The following TENM4 variants were observed in gnomAD, a reference collection of about 807,000 sequenced individuals.
TENM4 encodes teneurin-4.
Under a neutral mutation model 243.3 loss-of-function variants are expected in TENM4, and 82 were observed. That is an observed-to-expected ratio of 0.34 (90% confidence interval 0.28 to 0.40). TENM4 has a LOEUF of 0.40. TENM4 is among the 10% of genes least tolerant of loss of function. The pLI is 1.00. For missense variants in TENM4, 3,138 were observed against 3,673.3 expected, an observed-to-expected ratio of 0.85 and a Z score of 3.77; for synonymous variants, 1,412 against 1,456.3, an observed-to-expected ratio of 0.97 and a Z score of 0.69.
chr11:78,726,331 G>A lies in TENM4; in HGVS notation c.3407-109C>T, dbSNP rs1036384065. ...TTATCTTTTGTAGAAGAGGAAAAAA[G>A]GGTCATATTTCTAAGTGGCAACCAG... On this transcript the variant is annotated intron_variant, in intron 22 of 33. Transcript: ENST00000278550. The A allele has an allele frequency of 1.7e-5, 23 of 1,344,890 alleles. No homozygotes were observed. The Middle Eastern group carries it at 7.8e-4, about 45-fold the overall frequency. The allele number at this position is 1,344,890 out of a possible 1,614,324, so 83.3% of individuals were successfully genotyped here.
chr11:79,266,452 C>T (rs949795949), intron 2 of TENM4, among the ~76,000 whole-genome samples: 1 of 152,178 alleles, frequency 6.6e-6, no homozygotes, highest in Non-Finnish European at 1.5e-5. Context: ...ATTCACTATG[C>T]TGATGTTGAA....
intron 2 of TENM4, among the ~76,000 whole-genome samples, chr11:79,277,507 T>C (rs1856079278): frequency 6.6e-6 from 1 of 152,116 alleles, no homozygotes; most frequent in Admixed American, 6.5e-5. Flanking sequence ...TGAACCCAGG[T>C]CTTTGTGACT....
chr11:79,280,083 C>A (rs1424248668), intron 2 of TENM4, among the ~76,000 whole-genome samples: 7 of 152,202 alleles, frequency 4.6e-5, no homozygotes, highest in Admixed American at 6.5e-5. Context: ...CACCAAAAAT[C>A]AAACCTGTTT....
chr11:79,036,679 G>C (rs993793222), intron 6 of TENM4, among the ~76,000 whole-genome samples: 1 of 152,188 alleles, frequency 6.6e-6, no homozygotes, highest in African/African-American at 2.4e-5. Flanking sequence ...TGATGTTGTA[G>C]GTGGAGCCTG....
At position 79,306,540 on chromosome 11, in the gene TENM4, C is replaced by T. The variant is rs76784878; in HGVS notation, c.-320-8997G>A. ...CAGGGCAAGATAGGTGGGCTGAGGTCGTGCTGGGAAGGGCCTGAGGTCACT... is the reference window on the plus strand; with the variant it reads ...CAGGGCAAGATAGGTGGGCTGAGGTTGTGCTGGGAAGGGCCTGAGGTCACT... On this transcript the variant is annotated intron_variant, in intron 1 of 33. Transcript: ENST00000278550. Among the ~76,000 whole-genome samples, 1,109 of 152,166 alleles carry T rather than the reference C, an allele frequency of 7.3e-3. 5 individuals are homozygous for T. The highest frequency in any genetic ancestry group is 0.013 in the Non-Finnish European group (861 of 67,988).
chr11:79,301,158 GC>G (rs1359777904), intron 1 of TENM4, among the ~76,000 whole-genome samples: 4 of 152,146 alleles, frequency 2.6e-5, no homozygotes, highest in Admixed American at 2.6e-4. Flanking sequence ...TTTTTTAAAT[GC>G]AAATTGGGTT....
At chr11:79,131,499 C>T (rs1862002468) in intron 4 of TENM4, among the ~76,000 whole-genome samples, 1 of 152,184 alleles carries the variant, frequency 6.6e-6, no homozygotes, top group Admixed American at 6.5e-5. Flanking sequence ...TGCCGCTACC[C>T]AGCTACCACT....
At chr11:78,741,511 C>G (rs1196727133) in intron 19 of TENM4, among the ~76,000 whole-genome samples, 1 of 152,158 alleles carries the variant, frequency 6.6e-6, no homozygotes, top group African/African-American at 2.4e-5. Context: ...ACCTCAAGAG[C>G]AAACGTAACA....
chr11:78,806,574 C>T lies in TENM4; in HGVS notation c.1979-1082G>A, dbSNP rs146257400. Among the ~76,000 whole-genome samples, 628 of 152,312 alleles carry T rather than the reference C, an allele frequency of 4.1e-3. 4 individuals carry two copies. The highest frequency in any genetic ancestry group is 0.014 in the African/African-American group (600 of 41,568). On this transcript the variant is annotated intron_variant, in intron 14 of 33. Coordinates refer to ENST00000278550, the MANE Select transcript of TENM4 (RefSeq NM_001098816.3). The stretch of plus-strand genomic sequence containing the variant: ...TATACACTATCAGATTCAGTTTTCT[C>T]AGTAACCCAGTGAGATACAGATGAG...
chr11:78,778,754 C>T (rs1856787316), intron 16 of TENM4, 126 bp from the exon 17 acceptor site: 2 of 737,940 alleles, frequency 2.7e-6, no homozygotes, highest in Non-Finnish European at 4.6e-6. Context: ...AGGCCTATGC[C>T]ATGGTGGGGA....
rs754301789 is a variant in TENM4, at chr11:79,180,697, G to A, written c.-162-31891C>T. 5.9e-5 allele frequency among the ~76,000 whole-genome samples: 9 copies of A among 151,498 alleles called. 1 individual carries two copies. Among genetic ancestry groups the A allele is most frequent in the Non-Finnish European group, 1.3e-4 (9 of 67,638 alleles). ...AATGCAGTTAAACATAAATAAGACTGGCTGGGCATAGTGGTGTGCACCTGT... is the reference window on the plus strand; with the variant it reads ...AATGCAGTTAAACATAAATAAGACTAGCTGGGCATAGTGGTGTGCACCTGT... On this transcript the variant is annotated intron_variant, in intron 3 of 33. Coordinates refer to ENST00000278550, the MANE Select transcript of TENM4 (RefSeq NM_001098816.3).
At position 78,729,461 on chromosome 11, in the gene TENM4, A is replaced by C; in HGVS notation, c.3321T>G (p.Ala1107=). 1 of 1,610,802 alleles carries C rather than the reference A, an allele frequency of 6.2e-7. No individual in the cohort carries two copies. The highest frequency in any genetic ancestry group is 8.5e-7 in the Non-Finnish European group (1 of 1,178,266). ...VEGRLFRKWF[A]AAPDLSYYFI... The stretch of plus-strand genomic sequence containing the variant: ...AATAATAGGACAGGTCTGGGGCTGC[A>C]GCGAACCACTTCCTGAAGAGGCGGC... The change falls in exon 22 of 34, where the codon GCT becomes GCG. Residue 1107 remains alanine, a synonymous_variant. Coordinates refer to ENST00000278550, the MANE Select transcript of TENM4 (RefSeq NM_001098816.3).
chr11:79,399,657 T>C (rs988808533), intron 1 of TENM4, among the ~76,000 whole-genome samples: 11 of 152,164 alleles, frequency 7.2e-5, no homozygotes, highest in Non-Finnish European at 1.5e-5. Flanking sequence ...TGGATCTTAG[T>C]TCTGGTGGAA....
intron 1 of TENM4, among the ~76,000 whole-genome samples, chr11:79,339,716 G>A (rs550412441): frequency 1.2e-4 from 17 of 145,240 alleles, no homozygotes; most frequent in Non-Finnish European, 2.1e-4. Flanking sequence ...GAAGGAGCAA[G>A]AGAGGGAAAA....
chr11:78,745,356 A>G (rs1048761752), intron 19 of TENM4, among the ~76,000 whole-genome samples: 1 of 151,282 alleles, frequency 6.6e-6, no homozygotes, highest in East Asian at 1.9e-4. Context: ...CCTCCTGAGT[A>G]GCTGGGATTA....
chr11:79,122,737 A>G (rs1053964758), intron 4 of TENM4, among the ~76,000 whole-genome samples: 1 of 152,182 alleles, frequency 6.6e-6, no homozygotes, highest in Non-Finnish European at 1.5e-5. Flanking sequence ...CCCCTTGTCC[A>G]CTGCCCACAC....
chr11:78,732,172 TG>T, intron 21 of TENM4, 143 bp downstream of exon 21: 1 of 1,192,690 alleles, frequency 8.4e-7, no homozygotes, highest in Non-Finnish European at 1.1e-6. Flanking sequence ...TGGGGTTTGG[TG>T]GCTGGATTTT....
At chr11:79,150,404 A>T (rs1862481377) in intron 3 of TENM4, among the ~76,000 whole-genome samples, 1 of 152,082 alleles carries the variant, frequency 6.6e-6, no homozygotes, top group Non-Finnish European at 1.5e-5. Flanking sequence ...GTCAAAAAAC[A>T]CTGTGTTGAG....
chr11:79,100,081 C>T (rs983482083), intron 4 of TENM4, among the ~76,000 whole-genome samples: 1 of 152,156 alleles, frequency 6.6e-6, no homozygotes, highest in African/African-American at 2.4e-5. Context: ...GGGAGACAAC[C>T]ACTTATATCC....
Sources: allele counts gnomAD v4.1 joint callset (sites outside exome capture counted in the v4.1 genomes callset), GRCh38; gene constraint gnomAD v4.1.1; transcripts MANE v1.5; gene names NCBI Gene and HGNC (gene_info 2026-07-23, HGNC 2026-07-21).